The following ZNF423 variants were observed in gnomAD, a reference collection of about 807,000 sequenced individuals.
ZNF423 encodes Ebf-associated zinc finger protein.
A neutral mutation model predicts 95.8 loss-of-function variants in ZNF423; 12 were observed. That is an observed-to-expected ratio of 0.13 (90% CI 0.08 to 0.20). The LOEUF (loss-of-function observed/expected upper bound fraction) is 0.20. Ranked by LOEUF, ZNF423 falls within the 10% of genes least tolerant of loss-of-function variation. ZNF423 has a pLI of 1.00. For synonymous variants in ZNF423, 749 were observed against 711.9 expected (o/e 1.05, Z -0.83); for missense variants, 1,316 against 1,737.1 (o/e 0.76, Z 4.31).
chr16:49,660,051 G>A (rs767741104), intron 3 of ZNF423, among the ~76,000 whole-genome samples: 1 of 152,164 alleles, frequency 6.6e-6, no homozygotes, highest in Non-Finnish European at 1.5e-5. Flanking sequence ...CTTCCCTTAT[G>A]CTTTTTTATC....
chr16:49,665,044 T>C (rs902030154), intron 3 of ZNF423, among the ~76,000 whole-genome samples: 2 of 151,788 alleles, frequency 1.3e-5, no homozygotes, highest in African/African-American at 4.8e-5. Flanking sequence ...TCAGCTGAGC[T>C]GGGCCTGGGG....
At chr16:49,753,373 G>C (rs2033666490) in intron 2 of ZNF423, among the ~76,000 whole-genome samples, 1 of 151,666 alleles carries the variant, frequency 6.6e-6, no homozygotes, top group Non-Finnish European at 1.5e-5. Flanking sequence ...AAGCTGAGGT[G>C]GGAGGATTGC....
chr16:49,764,153 C>T (rs1275294686), intron 2 of ZNF423, among the ~76,000 whole-genome samples: 1 of 152,174 alleles, frequency 6.6e-6, no homozygotes, highest in Non-Finnish European at 1.5e-5. Context: ...GCAAGAGCCC[C>T]CAACCCCACA....
intron 2 of ZNF423, among the ~76,000 whole-genome samples, chr16:49,755,129 C>G (rs2033702338): frequency 6.6e-6 from 1 of 152,162 alleles, no homozygotes; most frequent in Admixed American, 6.5e-5. Flanking sequence ...AGCCCTGTCC[C>G]CCCACAAGTG....
intron 5 of ZNF423, among the ~76,000 whole-genome samples, chr16:49,549,557 G>T (rs1224712546): frequency 6.6e-6 from 1 of 152,236 alleles, no homozygotes; most frequent in Non-Finnish European, 1.5e-5. Context: ...GAAGGTGACA[G>T]GTCTGGGACC....
At chr16:49,742,455 C>T (rs1447889478) in intron 2 of ZNF423, among the ~76,000 whole-genome samples, 1 of 152,146 alleles carries the variant, frequency 6.6e-6, no homozygotes, top group Non-Finnish European at 1.5e-5. Flanking sequence ...CCAAGCCTTA[C>T]AATCTTAATA....
At chr16:49,525,684 C>T (rs1968575883) in intron 5 of ZNF423, among the ~76,000 whole-genome samples, 190 bp from the exon 6 acceptor site, 1 of 152,130 alleles carries the variant, frequency 6.6e-6, no homozygotes, top group Admixed American at 6.5e-5. Flanking sequence ...TTACAGACCC[C>T]AGAGGACCGG....
intron 5 of ZNF423, among the ~76,000 whole-genome samples, chr16:49,552,649 G>A (rs141441649): frequency 9.3e-4 from 142 of 152,214 alleles, no homozygotes; most frequent in Non-Finnish European, 1.8e-3. Context: ...AAAGAAGCAC[G>A]TCAGTCTGCA....
chr16:49,815,871 AAAAAAAAAAAATATATATAT>A (rs1567356001), intron 1 of ZNF423, among the ~76,000 whole-genome samples: 4 of 25,844 alleles, frequency 1.5e-4, no homozygotes, highest in Admixed American at 6.3e-4. Flanking sequence ...CCAAACAAAC[AAAAAAAAAAAATATATATAT>A]ATATATATAT....
chr16:49,843,841 C>G (rs988636721), intron 1 of ZNF423, among the ~76,000 whole-genome samples: 3 of 152,042 alleles, frequency 2.0e-5, no homozygotes, highest in African/African-American at 4.8e-5. Context: ...GACCACCCCC[C>G]CTCCAAAGAT....
chr16:49,784,321 G>T (rs563545870), intron 2 of ZNF423, among the ~76,000 whole-genome samples: 1 of 152,312 alleles, frequency 6.6e-6, no homozygotes, highest in South Asian at 2.1e-4. Flanking sequence ...AGGATCCCTT[G>T]AGGTAGGAGT....
At chr16:49,731,038 GC>G (rs2033154669) in intron 2 of ZNF423, 67 bp from the exon 3 acceptor site, 1 of 1,534,382 alleles carries the variant, frequency 6.5e-7, no homozygotes, top group South Asian at 1.1e-5. Context: ...TAAAAGAATC[GC>G]CCGGCATTTA....
At chr16:49,799,445 G>A (rs2034548483) in intron 1 of ZNF423, among the ~76,000 whole-genome samples, 1 of 142,294 alleles carries the variant, frequency 7.0e-6, no homozygotes, top group South Asian at 2.5e-4. Flanking sequence ...TGCCCAGCTA[G>A]AGCCACAGAT....
At chr16:49,644,602 G>A (rs12925099) in intron 3 of ZNF423, among the ~76,000 whole-genome samples, 63,300 of 140,744 alleles carry the variant, frequency 0.45, 14,955 homozygotes, top group South Asian at 0.53. Context: ...GTTTGAGGCC[G>A]CAGTGAGCTA....
intron 5 of ZNF423, among the ~76,000 whole-genome samples, chr16:49,558,461 G>C (rs1969910314): frequency 6.6e-6 from 1 of 152,212 alleles, no homozygotes; most frequent in Non-Finnish European, 1.5e-5. Context: ...TTCCCAACTT[G>C]AAAGTGATGC....
chr16:49,551,601 A>AG (rs1969638614), intron 5 of ZNF423, among the ~76,000 whole-genome samples: 1 of 152,160 alleles, frequency 6.6e-6, no homozygotes, highest in South Asian at 2.1e-4. Flanking sequence ...ACCAGGCGGG[A>AG]GGTGGGTCAG....
chr16:49,561,631 A>G (rs1372341087), intron 5 of ZNF423, among the ~76,000 whole-genome samples: 1 of 152,114 alleles, frequency 6.6e-6, no homozygotes, highest in African/African-American at 2.4e-5. Context: ...TTTGCCAGGC[A>G]TTAACTTTCT....
chr16:49,806,382 G>A (rs908482713), intron 1 of ZNF423, among the ~76,000 whole-genome samples: 1 of 152,262 alleles, frequency 6.6e-6, no homozygotes, highest in African/African-American at 2.4e-5. Flanking sequence ...TCTGTTTGCT[G>A]TTTCGGGTGG....
intron 5 of ZNF423, 124 bp from the exon 6 acceptor site, chr16:49,525,618 A>T: frequency 2.2e-6 from 3 of 1,372,244 alleles, no homozygotes; most frequent in Non-Finnish European, 3.0e-6. Flanking sequence ...GGGCTGGTGA[A>T]GGGACTGCAG....
Sources: gnomAD v4.1 joint callset for allele counts (sites outside exome capture counted in the v4.1 genomes callset) on GRCh38, gnomAD v4.1.1 for gene constraint, MANE v1.5 for transcripts, NCBI Gene and HGNC (gene_info 2026-07-23, HGNC 2026-07-21) for gene names.